Variants in CADM2 observed in about 807,000 individuals in gnomAD.
The protein encoded by CADM2 is cell adhesion molecule 2, also known as immunoglobulin superfamily member 4D.
A neutral mutation model predicts 49.8 loss-of-function variants in CADM2; 12 were observed. The ratio of observed to expected loss-of-function variants is 0.24; its 90% confidence interval spans 0.15 to 0.39. CADM2 has a LOEUF of 0.39. Ranked by LOEUF, CADM2 falls within the 10% of genes least tolerant of loss-of-function variation. The probability of loss-of-function intolerance (pLI) is 1.00; values close to 1 mark genes in which losing one functional copy is unlikely to be tolerated. For missense variants in CADM2, 378 were observed against 492.3 expected, an observed-to-expected ratio of 0.77 and a Z score of 2.20; for synonymous variants, 214 against 175.4, an observed-to-expected ratio of 1.22 and a Z score of -1.74.
chr3:85,704,851 TTTA>T (rs1246413334), intron 1 of CADM2, among the ~76,000 whole-genome samples: 4 of 150,196 alleles, frequency 2.7e-5, no homozygotes, highest in Admixed American at 2.0e-4. Flanking sequence ...TCTTTATTTA[TTTA>T]TTATTATTAT....
rs564663287 is a variant in CADM2, at chr3:85,799,130, G to A, written c.89-2917G>A. Among the ~76,000 whole-genome samples, 5 of 152,228 alleles carry A rather than the reference G, an allele frequency of 3.3e-5. No homozygotes were observed. In the South Asian group the frequency reaches 1.0e-3, roughly 32 times the overall value. On this transcript the variant is annotated intron_variant, in intron 2 of 9. Coordinates refer to ENST00000383699, the MANE Select transcript of CADM2 (RefSeq NM_001167675.2). ...TTTGCACATTGATTTTGTATCCTGA[G>A]ACTTTGTTGAAGTTGCTTATCAGCT...
intron 1 of CADM2, among the ~76,000 whole-genome samples, chr3:85,536,066 G>A (rs1373178356): frequency 6.6e-6 from 1 of 152,060 alleles, no homozygotes; most frequent in Non-Finnish European, 1.5e-5. Flanking sequence ...GGGATTCACA[G>A]ACCAGTAGGA....
intron 6 of CADM2, among the ~76,000 whole-genome samples, chr3:85,920,910 T>G (rs902921642): frequency 1.3e-5 from 2 of 151,616 alleles, no homozygotes; most frequent in Non-Finnish European, 3.0e-5. Flanking sequence ...ATTTCCTAAT[T>G]AAGCTTATCA....
intron 1 of CADM2, among the ~76,000 whole-genome samples, chr3:85,484,684 C>T (rs1197257714): frequency 6.6e-6 from 1 of 151,800 alleles, no homozygotes; most frequent in African/African-American, 2.4e-5. Flanking sequence ...GTCACAGACC[C>T]CAACAGCATA....
intron 1 of CADM2, among the ~76,000 whole-genome samples, chr3:85,455,599 A>G (rs765336009): frequency 2.6e-5 from 4 of 152,164 alleles, no homozygotes; most frequent in Non-Finnish European, 5.9e-5. Flanking sequence ...CACAATTCAT[A>G]TTGTCTGTGG....
At chr3:85,277,050 GA>G (rs2043373386) in intron 1 of CADM2, among the ~76,000 whole-genome samples, 1 of 151,226 alleles carries the variant, frequency 6.6e-6, no homozygotes. Flanking sequence ...AAATGAGTTT[GA>G]AAAAGAAAAA....
chr3:85,404,209 A>G (rs750714648), intron 1 of CADM2, among the ~76,000 whole-genome samples: 25 of 152,130 alleles, frequency 1.6e-4, no homozygotes, highest in Non-Finnish European at 3.1e-4. Context: ...AAATTGTACA[A>G]TGCAGACCAT....
At chr3:85,838,807 A>C (rs973106886) in intron 3 of CADM2, among the ~76,000 whole-genome samples, 2 of 151,762 alleles carry the variant, frequency 1.3e-5, no homozygotes, top group Admixed American at 1.3e-4. Flanking sequence ...TAGAATGGGG[A>C]GGGAATTATG....
chr3:85,420,684 A>G (rs1023776359), intron 1 of CADM2, among the ~76,000 whole-genome samples: 2 of 152,256 alleles, frequency 1.3e-5, no homozygotes, highest in African/African-American at 2.4e-5. Context: ...AAAGACAGCC[A>G]TAAAACATTT....
chr3:85,177,019 G>T (rs1278487289), intron 1 of CADM2, among the ~76,000 whole-genome samples: 1 of 152,094 alleles, frequency 6.6e-6, no homozygotes, highest in African/African-American at 2.4e-5. Context: ...ACATCGTCAG[G>T]ATGTTATGAG....
Position 84,959,678 on chromosome 3 carries a change from G to A in CADM2, c.61+10G>A. The A allele has an allele frequency of 6.5e-7, 1 of 1,536,706 alleles. No homozygotes were observed. Among genetic ancestry groups the A allele is most frequent in the East Asian group, 2.4e-5 (1 of 40,864 alleles). The stretch of plus-strand genomic sequence containing the variant: ...GGGCTCCTGCTACAAGGTAATCCCC[G>A]CCCCGGCGCAGGGAACATCAACTTC... On this transcript the variant is annotated intron_variant, in intron 1 of 9. Coordinates refer to ENST00000383699, the MANE Select transcript of CADM2 (RefSeq NM_001167675.2).
At chr3:85,790,977 G>A (rs1393783810) in intron 2 of CADM2, among the ~76,000 whole-genome samples, 2 of 152,166 alleles carry the variant, frequency 1.3e-5, no homozygotes, top group Non-Finnish European at 2.9e-5. Context: ...GAATTCAAAT[G>A]GATGAGGTAG....
chr3:85,859,123 A>G (rs1013242283), intron 3 of CADM2, among the ~76,000 whole-genome samples: 1 of 151,562 alleles, frequency 6.6e-6, no homozygotes, highest in African/African-American at 2.4e-5. Context: ...TTCACAACCC[A>G]TTACTCACAC....
intron 1 of CADM2, among the ~76,000 whole-genome samples, chr3:85,005,017 T>C (rs2033655160): frequency 6.6e-6 from 1 of 152,192 alleles, no homozygotes; most frequent in Non-Finnish European, 1.5e-5. Context: ...GTCAGTCTAA[T>C]ATCATGAGAA....
intron 1 of CADM2, among the ~76,000 whole-genome samples, chr3:85,498,609 G>A (rs565653337): frequency 2.6e-4 from 39 of 152,106 alleles, no homozygotes; most frequent in Non-Finnish European, 4.3e-4. Flanking sequence ...GAAAATGTAA[G>A]ACCCTTTACA....
chr3:85,564,539 C>T (rs2062198715), intron 1 of CADM2, among the ~76,000 whole-genome samples: 1 of 151,998 alleles, frequency 6.6e-6, no homozygotes, highest in African/African-American at 2.4e-5. Flanking sequence ...TAAAATCTCT[C>T]TTTTACACTT....
At chr3:85,541,795 GTA>G (rs2061555226) in intron 1 of CADM2, among the ~76,000 whole-genome samples, 1 of 120,876 alleles carries the variant, frequency 8.3e-6, no homozygotes, top group Non-Finnish European at 1.6e-5. Flanking sequence ...ATATATATAT[GTA>G]TAGTGTTTAT....
intron 1 of CADM2, among the ~76,000 whole-genome samples, chr3:85,219,852 G>A (rs925515539): frequency 5.9e-5 from 9 of 152,072 alleles, no homozygotes; most frequent in Non-Finnish European, 1.0e-4. Context: ...GGATTATAAT[G>A]GTAGAGACAT....
intron 1 of CADM2, among the ~76,000 whole-genome samples, chr3:85,432,417 C>T (rs942303667): frequency 2.0e-5 from 3 of 152,002 alleles, no homozygotes; most frequent in African/African-American, 7.2e-5. Context: ...GCAAAAATTA[C>T]CAATTTTGAG....
Sources: allele counts gnomAD v4.1 joint callset (sites outside exome capture counted in the v4.1 genomes callset), GRCh38; gene constraint gnomAD v4.1.1; transcripts MANE v1.5; gene names NCBI Gene and HGNC (gene_info 2026-07-23, HGNC 2026-07-21).